The following SHISAL1 variants were observed in gnomAD, a reference collection of about 807,000 sequenced individuals.
SHISAL1 encodes the protein protein shisa-like-1.
In SHISAL1, 9 loss-of-function variants were observed where a neutral mutation model predicts 22.6. That is an observed-to-expected ratio of 0.40 (90% CI 0.24 to 0.70). The LOEUF (loss-of-function observed/expected upper bound fraction) is 0.70. Ranked by LOEUF, SHISAL1 falls within the 30% of genes least tolerant of loss-of-function variation. SHISAL1 has a pLI of 0.39. For missense variants in SHISAL1, 246 were observed against 270.6 expected, an observed-to-expected ratio of 0.91 and a Z score of 0.64; for synonymous variants, 119 against 115.4, an observed-to-expected ratio of 1.03 and a Z score of -0.20.
chr22:44,324,600 C>G, the SHISAL1 span, among the ~76,000 whole-genome samples: 6 of 152,340 alleles, frequency 3.9e-5, no homozygotes, highest in South Asian at 1.2e-3. Flanking sequence ...TATCTGGTCT[C>G]ACAATAACCC....
At chr22:44,278,395 AGT>A (rs1436386607) in intron 4 of SHISAL1, among the ~76,000 whole-genome samples, 3 of 152,188 alleles carry the variant, frequency 2.0e-5, no homozygotes, top group Non-Finnish European at 4.4e-5. Flanking sequence ...AGCTCCTGTT[AGT>A]TCTGTCCCTC....
chr22:44,297,463 C>A lies in SHISAL1; in HGVS notation c.68-578G>T, dbSNP rs112302840. Among the ~76,000 whole-genome samples, 137 of 152,252 alleles carry A rather than the reference C, an allele frequency of 9.0e-4. 1 individual carries two copies. Among genetic ancestry groups the A allele is most frequent in the Middle Eastern group, 6.8e-3 (2 of 294 alleles). On this transcript the variant is annotated intron_variant, in intron 2 of 4. Coordinates refer to ENST00000381176, the MANE Select transcript of SHISAL1 (RefSeq NM_001099294.2). ...TGGTGGCTGGCATAGGTGCAAGGAC[C>A]TCTTGGGTACCTCTTGGGTCAAAAA...
chr22:44,293,622 A>G (rs532136601), intron 3 of SHISAL1, among the ~76,000 whole-genome samples: 1 of 152,204 alleles, frequency 6.6e-6, no homozygotes, highest in East Asian at 1.9e-4. Flanking sequence ...ATTCCAGCCC[A>G]TCTGGGTTGG....
intron 1 of SHISAL1, among the ~76,000 whole-genome samples, chr22:44,311,355 ACCTCT>A (rs2055517128): frequency 1.3e-5 from 2 of 152,082 alleles, no homozygotes; most frequent in African/African-American, 4.8e-5. Flanking sequence ...CAACGTGGAA[ACCTCT>A]CCTATCTCCC....
Position 44,310,934 on chromosome 22 carries a change from A to G in SHISAL1, c.-33+1817T>C, listed in dbSNP as rs12158741. 0.11 allele frequency among the ~76,000 whole-genome samples: 16,711 copies of G among 152,068 alleles called. 1,019 individuals carry two copies. Among genetic ancestry groups the G allele is most frequent in the South Asian group, 0.17 (837 of 4,818 alleles). ...GGTGCTGAATAAATGTCTGCCGGCC[A>G]TAGAGTAGGAACTCCATTAGCACTC... On this transcript the variant is annotated intron_variant, in intron 1 of 4. Transcript: ENST00000381176. The surrounding 1 kb of genome is among the most constrained non-coding windows in gnomAD (Gnocchi z 4.0).
intron 3 of SHISAL1, among the ~76,000 whole-genome samples, chr22:44,295,130 T>C (rs2055376838): frequency 6.6e-6 from 1 of 152,168 alleles, no homozygotes; most frequent in Admixed American, 6.5e-5. Flanking sequence ...CCCATTAAGA[T>C]ATTAAAACAT....
At chr22:44,252,678 T>G (rs1376928751) in intron 4 of SHISAL1, among the ~76,000 whole-genome samples, 1 of 147,240 alleles carries the variant, frequency 6.8e-6, no homozygotes, top group Non-Finnish European at 1.5e-5. Flanking sequence ...GAAGGTAGAA[T>G]GATTCAGCAA....
At position 44,291,304 on chromosome 22, in the gene SHISAL1, C is replaced by T. The variant is rs367668360; in HGVS notation, c.281+5368G>A. On this transcript the variant is annotated intron_variant, in intron 3 of 4. Transcript: ENST00000381176. ...AGGAAGCCTTCGCTTCTCAAGCTCC[C>T]GGGACCTCTGAGGGTGCTCCTCTCC... Among the ~76,000 whole-genome samples the T allele has an allele frequency of 4.3e-4, 66 of 152,280 alleles. 1 individual carries two copies. In the South Asian group the frequency reaches 0.012, roughly 27 times the overall value.
the SHISAL1 span, among the ~76,000 whole-genome samples, chr22:44,323,930 T>C: frequency 6.6e-6 from 1 of 152,210 alleles, no homozygotes; most frequent in Non-Finnish European, 1.5e-5. Flanking sequence ...AACACATTCC[T>C]TGGAGCAACT....
chr22:44,261,033 A>G (rs2147272632), intron 4 of SHISAL1, among the ~76,000 whole-genome samples: 1 of 144,704 alleles, frequency 6.9e-6, no homozygotes, highest in Middle Eastern at 3.8e-3. Context: ...ACGCAGCTCT[A>G]TTTCTTGTGC....
intron 2 of SHISAL1, 127 bp downstream of exon 2, chr22:44,300,752 A>G (rs970792605): frequency 6.8e-6 from 5 of 732,652 alleles, no homozygotes; most frequent in Non-Finnish European, 1.2e-5. Context: ...GAGGGGTGCC[A>G]GTAAGGTGGA....
chr22:44,262,279 G>A (rs920357712), intron 4 of SHISAL1, among the ~76,000 whole-genome samples: 1 of 152,232 alleles, frequency 6.6e-6, no homozygotes. Context: ...GAGCATGGCT[G>A]TCATGGCACA....
At chr22:44,277,039 G>A (rs1265511242) in intron 4 of SHISAL1, among the ~76,000 whole-genome samples, 1 of 152,218 alleles carries the variant, frequency 6.6e-6, no homozygotes, top group African/African-American at 2.4e-5. Context: ...CTGCCGGGAT[G>A]CCCTTTCCCC....
At chr22:44,331,101 G>C in the SHISAL1 span, among the ~76,000 whole-genome samples, 1 of 152,004 alleles carries the variant, frequency 6.6e-6, no homozygotes, top group African/African-American at 2.4e-5. The surrounding 1 kb of genome is among the most constrained non-coding windows in gnomAD (Gnocchi z 5.2). Flanking sequence ...CCGCGTCCCG[G>C]CGCGGTGCGC....
Position 44,300,922 on chromosome 22 carries a change from G to A in SHISAL1, c.24C>T (p.Ser8=). The A allele has an allele frequency of 3.1e-6, 5 of 1,614,182 alleles. No homozygotes were observed. The highest frequency in any genetic ancestry group is 4.2e-6 in the Non-Finnish European group (5 of 1,180,022). MTSCGQQ[S]LNVLAVLFSL... ...AGAAGAGGACGGCGAGCACGTTCAAGGACTGCTGGCCACAACTGGTCATCG... is the reference window on the plus strand; with the variant it reads ...AGAAGAGGACGGCGAGCACGTTCAAAGACTGCTGGCCACAACTGGTCATCG... The change falls in exon 2 of 5, where the codon TCC becomes TCT. Residue 8 remains serine, a synonymous_variant. Coordinates refer to ENST00000381176, the MANE Select transcript of SHISAL1 (RefSeq NM_001099294.2).
At chr22:44,290,539 A>AAAAAAAAAAAAAC (rs1377709388) in intron 3 of SHISAL1, among the ~76,000 whole-genome samples, 42 of 148,016 alleles carry the variant, frequency 2.8e-4, no homozygotes, top group African/African-American at 1.1e-3. Context: ...CAAAAAAAAA[A>AAAAAAAAAAAAAC]AAAAACAAAA....
chr22:44,325,207 C>T, the SHISAL1 span, among the ~76,000 whole-genome samples: 2 of 150,860 alleles, frequency 1.3e-5, no homozygotes, highest in Admixed American at 6.6e-5. Flanking sequence ...TGAGCAACTG[C>T]ACTCCAGCCT....
At chr22:44,270,840 C>A (rs528471959) in intron 4 of SHISAL1, among the ~76,000 whole-genome samples, 6 of 152,172 alleles carry the variant, frequency 3.9e-5, no homozygotes, top group African/African-American at 1.4e-4. Flanking sequence ...GCCAGCTCAC[C>A]GGGAAGCAGA....
the SHISAL1 span, among the ~76,000 whole-genome samples, chr22:44,329,459 A>G: frequency 1.8e-4 from 28 of 151,654 alleles, no homozygotes; most frequent in Non-Finnish European, 3.4e-4. Context: ...ACACACACAC[A>G]CACACGCGCG....
Sources: allele counts gnomAD v4.1 joint callset (sites outside exome capture counted in the v4.1 genomes callset), GRCh38; gene constraint gnomAD v4.1.1; non-coding constraint Gnocchi (gnomAD v3.1); transcripts MANE v1.5; gene names NCBI Gene and HGNC (gene_info 2026-07-23, HGNC 2026-07-21).